The following MCPH1 variants were observed in gnomAD, a reference collection of about 807,000 sequenced individuals.
MCPH1 encodes the protein microcephalin.
Under a neutral mutation model 84.5 loss-of-function variants are expected in MCPH1, and 104 were observed. The observed-to-expected ratio is 1.23, with a 90% confidence interval of 1.05 to 1.45. MCPH1 has a LOEUF of 1.45. Ranked by LOEUF, MCPH1 falls within the 40% of genes most tolerant of loss-of-function variation. The pLI, the probability that MCPH1 is intolerant of heterozygous loss-of-function variation, is 0.00. For synonymous variants in MCPH1, 514 were observed against 366.8 expected (o/e 1.40, Z -4.58); for missense variants, 1,498 against 1,005.7 (o/e 1.49, Z -6.62).
At chr8:6,562,662 A>C (rs745863531) in intron 12 of MCPH1, 2 of 1,579,228 alleles carry the variant, frequency 1.3e-6, no homozygotes, top group Non-Finnish European at 8.6e-7. Flanking sequence ...TTAGCCACTG[A>C]GTGTTGTTTT....
At chr8:6,472,727 C>G (rs1480372927) in intron 9 of MCPH1, among the ~76,000 whole-genome samples, 2 of 152,182 alleles carry the variant, frequency 1.3e-5, no homozygotes, top group East Asian at 1.9e-4. Flanking sequence ...CTCGGCTTCC[C>G]AAAGTGCTGG....
At chr8:6,617,921 A>ATCTATCTATCTATCTATCTG (rs1831006518) in intron 12 of MCPH1, among the ~76,000 whole-genome samples, 1 of 151,148 alleles carries the variant, frequency 6.6e-6, no homozygotes. Flanking sequence ...CTATCTATCT[A>ATCTATCTATCTATCTATCTG]TCTATCTATC....
At chr8:6,461,415 C>A (rs1161456256) in intron 9 of MCPH1, among the ~76,000 whole-genome samples, 1 of 151,400 alleles carries the variant, frequency 6.6e-6, no homozygotes, top group East Asian at 1.9e-4. Context: ...AACCTCCACC[C>A]CACCAGGTTC....
intron 4 of MCPH1, among the ~76,000 whole-genome samples, chr8:6,432,652 T>C (rs1236264252): frequency 6.6e-6 from 1 of 152,262 alleles, no homozygotes; most frequent in Non-Finnish European, 1.5e-5. Context: ...CTGAACTACA[T>C]TTCCTGTAGA....
At chr8:6,548,211 A>G (rs1252856397) in intron 12 of MCPH1, among the ~76,000 whole-genome samples, 2 of 152,144 alleles carry the variant, frequency 1.3e-5, no homozygotes, top group South Asian at 2.1e-4. Flanking sequence ...TTAGAAGGCC[A>G]AAGTTAGAAC....
intron 12 of MCPH1, chr8:6,521,229 C>G (rs193132727): frequency 1.9e-6 from 3 of 1,613,872 alleles, no homozygotes; most frequent in East Asian, 2.2e-5. Context: ...TCCATGAGAT[C>G]ATGTTGCTGC....
intron 12 of MCPH1, among the ~76,000 whole-genome samples, chr8:6,601,406 C>T (rs532586934): frequency 6.6e-6 from 1 of 152,054 alleles, no homozygotes; most frequent in Non-Finnish European, 1.5e-5. Context: ...CCTCCTGGCT[C>T]TTCCTGCCCT....
chr8:6,469,058 A>G (rs1256498765), intron 9 of MCPH1, among the ~76,000 whole-genome samples: 2 of 152,084 alleles, frequency 1.3e-5, no homozygotes, highest in Non-Finnish European at 2.9e-5. Context: ...TTAGTTGGAC[A>G]TGATGGTGGC....
chr8:6,496,248 T>TTG (rs1456811118), intron 11 of MCPH1, among the ~76,000 whole-genome samples: 6 of 152,126 alleles, frequency 3.9e-5, no homozygotes, highest in African/African-American at 1.4e-4. Context: ...CCTAGATCCC[T>TTG]CATCTGCACA....
At chr8:6,500,043 A>C (rs1811846312) in intron 12 of MCPH1, 114 bp downstream of exon 12, 1 of 856,614 alleles carries the variant, frequency 1.2e-6, no homozygotes, top group Non-Finnish European at 2.0e-6. Context: ...TATGCCCATA[A>C]TTAAAAAGAC....
intron 9 of MCPH1, among the ~76,000 whole-genome samples, chr8:6,472,714 C>T (rs751232399): frequency 9.0e-4 from 137 of 152,252 alleles, no homozygotes; most frequent in Non-Finnish European, 7.9e-4. Context: ...GTAATCCACC[C>T]GCCTCGGCTT....
chr8:6,532,940 T>G (rs1392543696), intron 12 of MCPH1, among the ~76,000 whole-genome samples: 4 of 152,240 alleles, frequency 2.6e-5, no homozygotes, highest in Admixed American at 2.0e-4. Context: ...TTTCTCCACA[T>G]AGACTTGAGA....
At chr8:6,572,107 G>C (rs755224401) in intron 12 of MCPH1, among the ~76,000 whole-genome samples, 6 of 151,492 alleles carry the variant, frequency 4.0e-5, no homozygotes, top group Admixed American at 6.6e-5. Context: ...TGATACAAAA[G>C]AGAAAAGTAA....
At chr8:6,511,283 G>A (rs1159085688) in intron 12 of MCPH1, among the ~76,000 whole-genome samples, 1 of 133,712 alleles carries the variant, frequency 7.5e-6, no homozygotes, top group Non-Finnish European at 1.7e-5. Flanking sequence ...ACATTGGTAT[G>A]GGTTGATTTT....
At position 6,488,703 on chromosome 8, in the gene MCPH1, G is replaced by T. The variant is rs369997948; in HGVS notation, c.2136+7827G>T. On this transcript the variant is annotated intron_variant, in intron 11 of 13. Coordinates refer to ENST00000344683, the MANE Select transcript of MCPH1 (RefSeq NM_024596.5). ...TGTTGGAGAAGGCTGTAGGGCCCCA[G>T]TATGGCTGTGTAGTTCAAGACGAGG... Among the ~76,000 whole-genome samples the T allele has an allele frequency of 3.6e-4, 55 of 152,238 alleles. No homozygotes were observed. In the South Asian group the frequency reaches 8.3e-3, roughly 23 times the overall value.
At chr8:6,600,345 G>T (rs926505042) in intron 12 of MCPH1, among the ~76,000 whole-genome samples, 1 of 152,248 alleles carries the variant, frequency 6.6e-6, no homozygotes, top group Non-Finnish European at 1.5e-5. Flanking sequence ...GTGGGTGCTG[G>T]CCTGGCCACC....
At chr8:6,502,957 A>T in intron 12 of MCPH1, 1 of 893,844 alleles carries the variant, frequency 1.1e-6, no homozygotes, top group East Asian at 2.6e-5. Flanking sequence ...TACAGGCTCT[A>T]ATCTGGAGCA....
At chr8:6,447,289 TTCAATGTCAGGGATGCACACTCTATATC>T (rs1804542737) in intron 8 of MCPH1, 6 of 985,252 alleles carry the variant, frequency 6.1e-6, no homozygotes, top group Admixed American at 6.1e-5. Context: ...AGCCTTCAGT[TTCAATGTCAGGGATGCACACTCTATATC>T]TGGTGAAATT....
intron 12 of MCPH1, among the ~76,000 whole-genome samples, chr8:6,575,347 T>C (rs1419458450): frequency 6.6e-6 from 1 of 152,164 alleles, no homozygotes; most frequent in Non-Finnish European, 1.5e-5. Flanking sequence ...GCAAAGCAGC[T>C]CCATTATGAG....
Sources: gnomAD v4.1 joint callset for allele counts (sites outside exome capture counted in the v4.1 genomes callset) on GRCh38, gnomAD v4.1.1 for gene constraint, MANE v1.5 for transcripts, NCBI Gene and HGNC (gene_info 2026-07-23, HGNC 2026-07-21) for gene names.